PKP2: variants seen among roughly 807,000 people sequenced by gnomAD.
PKP2 encodes the protein plakophilin 2.
In PKP2, 73 loss-of-function variants were observed where a neutral mutation model predicts 83.4. The observed-to-expected ratio is 0.88, with a 90% CI of 0.72 to 1.06. PKP2 has a LOEUF of 1.06. Ranked by LOEUF, PKP2 falls within the 50% of genes least tolerant of loss-of-function variation. The pLI is 0.00. For synonymous variants in PKP2, 409 were observed against 430.4 expected (o/e 0.95, Z 0.62); for missense variants, 966 against 1,065.4 (o/e 0.91, Z 1.30).
intron 6 of PKP2, among the ~76,000 whole-genome samples, chr12:32,825,158 G>A (rs1956423873): frequency 7.5e-6 from 1 of 133,616 alleles, no homozygotes; most frequent in Admixed American, 7.8e-5. Flanking sequence ...TATCAGATCA[G>A]TTTCTTTTTT....
At chr12:32,871,743 C>T (rs1304725800) in intron 3 of PKP2, among the ~76,000 whole-genome samples, 4 of 152,048 alleles carry the variant, frequency 2.6e-5, no homozygotes, top group Non-Finnish European at 4.4e-5. Flanking sequence ...GGATTACAGG[C>T]GTGGGCCACC....
At chr12:32,812,981 C>T (rs1280324470) in intron 9 of PKP2, among the ~76,000 whole-genome samples, 1 of 152,136 alleles carries the variant, frequency 6.6e-6, no homozygotes, top group East Asian at 1.9e-4. Flanking sequence ...TGGGCACAGT[C>T]GGTCTGAAGA....
At chr12:32,856,851 G>T (rs1266594800) in intron 4 of PKP2, among the ~76,000 whole-genome samples, 1 of 152,126 alleles carries the variant, frequency 6.6e-6, no homozygotes, top group African/African-American at 2.4e-5. Context: ...GGAACAATTT[G>T]CCCGGAGTTA....
intron 6 of PKP2, among the ~76,000 whole-genome samples, chr12:32,834,477 C>A (rs1478964910): frequency 2.0e-5 from 3 of 152,160 alleles, no homozygotes; most frequent in African/African-American, 2.4e-5. Context: ...AGGCCACTAA[C>A]AGAAGCTCCC....
intron 6 of PKP2, among the ~76,000 whole-genome samples, chr12:32,825,393 T>G (rs995242358): frequency 6.6e-6 from 1 of 152,128 alleles, no homozygotes; most frequent in South Asian, 2.1e-4. Context: ...GGATGGTCTC[T>G]ATCTCTTGAC....
Position 32,826,939 on chromosome 12 carries a change from C to G in PKP2, c.1557-2777G>C, listed in dbSNP as rs528048216. Reference sequence around the variant, plus strand: ...CAGGGTGGCCCAGAACAGAGCAAATCCCAGCTAGCATTCATTCAGTCTGCA... The same window carrying G: ...CAGGGTGGCCCAGAACAGAGCAAATGCCAGCTAGCATTCATTCAGTCTGCA... On this transcript the variant is annotated intron_variant, in intron 6 of 12. Coordinates refer to ENST00000340811, the MANE Select transcript of PKP2 (RefSeq NM_001005242.3). Among the ~76,000 whole-genome samples the G allele has an allele frequency of 2.0e-5, 3 of 152,196 alleles. 1 individual carries two copies. Among genetic ancestry groups the G allele is most frequent in the Middle Eastern group, 6.3e-3 (2 of 316 alleles).
At chr12:32,827,723 C>T (rs1205946417) in intron 6 of PKP2, among the ~76,000 whole-genome samples, 3 of 151,962 alleles carry the variant, frequency 2.0e-5, no homozygotes, top group African/African-American at 2.4e-5. Flanking sequence ...ATTACCTTAT[C>T]GAAAATTAAA....
At chr12:32,835,814 C>T (rs1956541675) in intron 6 of PKP2, among the ~76,000 whole-genome samples, 1 of 152,092 alleles carries the variant, frequency 6.6e-6, no homozygotes, top group African/African-American at 2.4e-5. Context: ...ACAGAGTTTA[C>T]CAATTTCTTT....
At chr12:32,887,082 G>A (rs1176480718) in intron 1 of PKP2, among the ~76,000 whole-genome samples, 3 of 151,992 alleles carry the variant, frequency 2.0e-5, no homozygotes, top group African/African-American at 7.2e-5. Flanking sequence ...TTATACTATT[G>A]AAAATTTAAC....
At chr12:32,821,150 A>T (rs748434329) in intron 9 of PKP2, 22 of 572,112 alleles carry the variant, frequency 3.8e-5, no homozygotes, top group Non-Finnish European at 5.9e-5. Flanking sequence ...TCTGTAACTG[A>T]AAGAGTACTG....
At chr12:32,863,494 T>A in intron 4 of PKP2, 1 of 179,948 alleles carries the variant, frequency 5.6e-6, no homozygotes, top group South Asian at 1.3e-4. Context: ...AAAATAAAAA[T>A]TTTCAGGTAA....
At chr12:32,893,910 A>AATTTTT (rs1957097049) in intron 1 of PKP2, 1 of 109,406 alleles carries the variant, frequency 9.1e-6, no homozygotes, top group African/African-American at 3.8e-5. Flanking sequence ...GGAGTAACTT[A>AATTTTT]CTTTTTTTTT....
rs1956411165 is a variant in PKP2 at position 32,824,167 on chromosome 12, C to T, written c.1557-5G>A. 6.3e-7 allele frequency: 1 copy of T among 1,599,932 alleles called. No homozygotes were observed. The highest frequency in any genetic ancestry group is 1.1e-5 in the South Asian group (1 of 90,826). On this transcript the variant is annotated splice_polypyrimidine_tract_variant and splice_region_variant and intron_variant, in intron 6 of 12. Transcript: ENST00000340811. ...GCGCCAGCAGAACTCATGTTTCTAT[C>T]AGAAAAAACAAAAAACAAAAAAGTA...
intron 1 of PKP2, among the ~76,000 whole-genome samples, chr12:32,890,377 T>C (rs1957067118): frequency 6.6e-6 from 1 of 152,186 alleles, no homozygotes; most frequent in Non-Finnish European, 1.5e-5. Context: ...AATGAAGGTT[T>C]TCATCCACAA....
intron 6 of PKP2, among the ~76,000 whole-genome samples, chr12:32,824,618 A>G (rs1478711123): frequency 6.6e-6 from 1 of 152,206 alleles, no homozygotes; most frequent in African/African-American, 2.4e-5. Context: ...GTTGGACTAC[A>G]TTCTTTGTGG....
At chr12:32,799,511 A>G (rs1178707598) in intron 10 of PKP2, among the ~76,000 whole-genome samples, 3 of 152,228 alleles carry the variant, frequency 2.0e-5, no homozygotes, top group Non-Finnish European at 4.4e-5. Flanking sequence ...ACAATTCACA[A>G]TTGCAAAATA....
intron 10 of PKP2, among the ~76,000 whole-genome samples, chr12:32,799,435 T>C (rs1455830739): frequency 6.6e-6 from 1 of 152,206 alleles, no homozygotes; most frequent in South Asian, 2.1e-4. Flanking sequence ...CACTACTGGG[T>C]ATCTACCCAA....
chr12:32,827,987 C>T (rs548263637), intron 6 of PKP2, among the ~76,000 whole-genome samples: 4 of 152,152 alleles, frequency 2.6e-5, no homozygotes, highest in Non-Finnish European at 5.9e-5. Flanking sequence ...GGGGCCAGGG[C>T]CTTAGGAGAA....
intron 1 of PKP2, among the ~76,000 whole-genome samples, chr12:32,883,044 A>G (rs1956999901): frequency 6.6e-6 from 1 of 152,258 alleles, no homozygotes. Context: ...ATTTGCCAAC[A>G]TAAGTTCTTA....
Sources: gnomAD v4.1 joint callset for allele counts (sites outside exome capture counted in the v4.1 genomes callset) on GRCh38, gnomAD v4.1.1 for gene constraint, MANE v1.5 for transcripts, NCBI Gene and HGNC (gene_info 2026-07-23, HGNC 2026-07-21) for gene names.